DCDC2: variants seen among roughly 807,000 people sequenced by gnomAD.
The protein encoded by DCDC2 is doublecortin domain containing 2.
Under a neutral mutation model 50.2 loss-of-function variants are expected in DCDC2, and 40 were observed. The ratio of observed to expected loss-of-function variants is 0.80; its 90% CI spans 0.62 to 1.04. The LOEUF (loss-of-function observed/expected upper bound fraction) is 1.04, where lower values mean the gene tolerates loss of function less well. Ranked by LOEUF, DCDC2 falls within the 50% of genes least tolerant of loss-of-function variation. The probability of loss-of-function intolerance (pLI) is 0.00; values close to 1 mark genes in which losing one functional copy is unlikely to be tolerated. For synonymous variants in DCDC2, 234 were observed against 210.6 expected, an observed-to-expected ratio of 1.11 and a Z score of -0.96; for missense variants, 570 against 581.9, an observed-to-expected ratio of 0.98 and a Z score of 0.21.
intron 4 of DCDC2, among the ~76,000 whole-genome samples, chr6:24,295,533 T>C (rs77693797): frequency 0.012 from 1,868 of 152,226 alleles, 18 homozygotes; most frequent in Non-Finnish European, 0.017. Flanking sequence ...GTCCAAACTA[T>C]CCCTGTTTGC....
At chr6:24,379,556 A>C in the DCDC2 span, among the ~76,000 whole-genome samples, 3 of 152,202 alleles carry the variant, frequency 2.0e-5, no homozygotes, top group African/African-American at 7.2e-5. Flanking sequence ...GCTGGAGAGG[A>C]TGTGGAGAAA....
At chr6:24,249,328 T>C (rs1450310764) in intron 7 of DCDC2, among the ~76,000 whole-genome samples, 1 of 152,226 alleles carries the variant, frequency 6.6e-6, no homozygotes, top group Non-Finnish European at 1.5e-5. Context: ...TAAAATTCTA[T>C]TTGGGAATCT....
At chr6:24,316,593 A>G (rs566990523) in intron 2 of DCDC2, among the ~76,000 whole-genome samples, 66 of 152,202 alleles carry the variant, frequency 4.3e-4, no homozygotes, top group Non-Finnish European at 8.2e-4. Flanking sequence ...ATGCTGAGAA[A>G]TTTGAGGCAA....
chr6:24,301,893 C>G lies in DCDC2; in HGVS notation c.426-47G>C, dbSNP rs535502253. The G allele has an allele frequency of 5.6e-6, 9 of 1,613,212 alleles. No homozygotes were observed. In the African/African-American group the frequency reaches 1.1e-4, roughly 19 times the overall value. On this transcript the variant is annotated intron_variant, in intron 3 of 9. Transcript: ENST00000378454. ...TTCTGAAACAGTTATGCCTTGAAAACTACAACACAAATTCCAAACCAAAAG... is the reference window on the plus strand; with the variant it reads ...TTCTGAAACAGTTATGCCTTGAAAAGTACAACACAAATTCCAAACCAAAAG...
Position 24,357,903 on chromosome 6 carries a change from C to T in DCDC2, c.-153G>A. On this transcript the variant is annotated 5_prime_UTR_variant, in exon 1 of 10. Transcript: ENST00000378454. ...AGGTGAAAGAGAAGTAACGGCCGTG[C>T]GCCTAGGCGTCCACCCAGAGGAGAC... is the stretch of plus-strand genomic sequence containing the variant. 3.3e-6 allele frequency: 5 copies of T among 1,535,250 alleles called. No homozygotes were observed. The highest frequency in any genetic ancestry group is 4.4e-6 in the Non-Finnish European group (5 of 1,141,636).
intron 2 of DCDC2, 61 bp from the exon 3 acceptor site, chr6:24,302,105 A>G (rs898037001): frequency 2.1e-5 from 31 of 1,454,538 alleles, no homozygotes; most frequent in Non-Finnish European, 2.4e-5. Context: ...TTTTTTTCCT[A>G]TGAGGAAAAT....
chr6:24,256,556 G>C (rs1015527206), intron 7 of DCDC2, among the ~76,000 whole-genome samples: 8 of 151,992 alleles, frequency 5.3e-5, no homozygotes, highest in Non-Finnish European at 1.2e-4. Context: ...TCCAAATGCT[G>C]GGTATTTCTG....
chr6:24,279,894 A>G (rs1763435229), intron 6 of DCDC2, among the ~76,000 whole-genome samples: 1 of 152,248 alleles, frequency 6.6e-6, no homozygotes, highest in Non-Finnish European at 1.5e-5. Context: ...TGACTAGTAC[A>G]GTGCGTGATG....
At chr6:24,358,514 A>T (rs1194126401), upstream of DCDC2, among the ~76,000 whole-genome samples, 7 of 115,696 alleles carry the variant, frequency 6.1e-5, no homozygotes, top group African/African-American at 2.6e-4. Flanking sequence ...TCTACAATTA[A>T]AAAAAAAAAA....
At chr6:24,328,026 C>T (rs1192771581) in intron 2 of DCDC2, among the ~76,000 whole-genome samples, 1 of 152,176 alleles carries the variant, frequency 6.6e-6, no homozygotes, top group Non-Finnish European at 1.5e-5. Context: ...GATGAAAATA[C>T]AGACACTTTC....
At chr6:24,185,692 C>T (rs1770897) in intron 8 of DCDC2, among the ~76,000 whole-genome samples, 1 of 38,848 alleles carries the variant, frequency 2.6e-5, no homozygotes, top group Admixed American at 2.2e-4. Context: ...TACACATACA[C>T]ACACACACAC....
intron 2 of DCDC2, among the ~76,000 whole-genome samples, chr6:24,344,990 C>A (rs1002349982): frequency 2.0e-5 from 3 of 152,108 alleles, no homozygotes; most frequent in African/African-American, 7.2e-5. Context: ...GTTTTATTTT[C>A]TTTGATTCTT....
At chr6:24,272,141 T>C (rs985532033) in intron 7 of DCDC2, among the ~76,000 whole-genome samples, 14 of 152,006 alleles carry the variant, frequency 9.2e-5, no homozygotes, top group Admixed American at 9.2e-4. Flanking sequence ...CCATACGTCT[T>C]ACTAGTATTC....
the DCDC2 span, among the ~76,000 whole-genome samples, chr6:24,381,633 T>TTACACAGAAAATACACAGAGTCTTTACAC: frequency 6.6e-6 from 1 of 152,116 alleles, no homozygotes; most frequent in South Asian, 2.1e-4. Context: ...CACAGATTCT[T>TTACACAGAAAATACACAGAGTCTTTACAC]AGAGTCTTTA....
chr6:24,223,171 T>A (rs1762154594), intron 7 of DCDC2, among the ~76,000 whole-genome samples: 1 of 152,240 alleles, frequency 6.6e-6, no homozygotes, highest in Non-Finnish European at 1.5e-5. Context: ...TGTGCCTGCC[T>A]GAATTGACTT....
intron 7 of DCDC2, among the ~76,000 whole-genome samples, chr6:24,260,277 C>T (rs6922164): frequency 0.039 from 5,921 of 152,198 alleles, 341 homozygotes; most frequent in African/African-American, 0.13. Context: ...TGCCGGTTCC[C>T]ACCTCTCATC....
Position 24,178,356 on chromosome 6 carries a change from G to A in DCDC2, c.1300C>T (p.Gln434Ter), listed in dbSNP as rs1409784856. 2 of 1,613,866 alleles carry A rather than the reference G, an allele frequency of 1.2e-6. No homozygotes were observed. The highest frequency in any genetic ancestry group is 1.7e-6 in the Non-Finnish European group (2 of 1,179,816). The stretch of plus-strand genomic sequence containing the variant: ...TCATCTTGTCCACTGCCAGCTCCTT[G>A]AGACTTTCTTTCCTTGTCTAGGACC... ...QLVLDKERKS[Q>*]GAGSGQDEAD... Residue 434 changes from glutamine to a stop codon, truncating the protein, a stop_gained, in exon 9 of 10, where the codon CAA becomes TAA. Transcript: ENST00000378454. LOFTEE classifies it high-confidence loss of function.
chr6:24,195,373 T>C (rs1460429174), intron 8 of DCDC2, among the ~76,000 whole-genome samples: 1 of 152,234 alleles, frequency 6.6e-6, no homozygotes, highest in Non-Finnish European at 1.5e-5. Flanking sequence ...TTTTCAAATA[T>C]TGTTATTATA....
chr6:24,380,713 T>C, the DCDC2 span, among the ~76,000 whole-genome samples: 2 of 152,154 alleles, frequency 1.3e-5, no homozygotes, highest in East Asian at 1.9e-4. Context: ...CCCGGGAGAA[T>C]TGATCAATTA....
Sources: gnomAD v4.1 joint callset for allele counts (sites outside exome capture counted in the v4.1 genomes callset) on GRCh38, gnomAD v4.1.1 for gene constraint, MANE v1.5 for transcripts, NCBI Gene and HGNC (gene_info 2026-07-23, HGNC 2026-07-21) for gene names.